The following GRIK4 variants were observed in gnomAD, a reference collection of about 807,000 sequenced individuals.
The protein encoded by GRIK4 is glutamate ionotropic receptor kainate type subunit 4.
In GRIK4, 40 loss-of-function variants were observed where a neutral mutation model predicts 104.9. The ratio of observed to expected loss-of-function variants is 0.38; its 90% confidence interval spans 0.30 to 0.50. GRIK4 has a LOEUF of 0.50. Among genes scored for constraint, GRIK4 ranks in the 20% least tolerant of loss-of-function variants. The pLI, the probability that GRIK4 is intolerant of heterozygous loss-of-function variation, is 0.93. For synonymous variants in GRIK4, 485 were observed against 524.9 expected, an observed-to-expected ratio of 0.92 and a Z score of 1.04; for missense variants, 1,047 against 1,308.1, an observed-to-expected ratio of 0.80 and a Z score of 3.08.
At chr11:120,802,630 G>A in intron 3 of GRIK4, 63 bp from the exon 4 acceptor site, 1 of 1,407,784 alleles carries the variant, frequency 7.1e-7, no homozygotes, top group Non-Finnish European at 1.0e-6. Context: ...GGAGGCTGGA[G>A]AAGGAGGAGG....
At chr11:120,757,351 T>C (rs1480529523) in intron 3 of GRIK4, among the ~76,000 whole-genome samples, 1 of 152,248 alleles carries the variant, frequency 6.6e-6, no homozygotes, top group Non-Finnish European at 1.5e-5. Context: ...TCTGTCTCTC[T>C]CTGGCTGTGT....
At chr11:120,736,244 G>A (rs1437349125) in intron 3 of GRIK4, among the ~76,000 whole-genome samples, 2 of 152,118 alleles carry the variant, frequency 1.3e-5, no homozygotes, top group Non-Finnish European at 2.9e-5. Context: ...CCAGGGCCGG[G>A]AATGGGGACC....
At chr11:120,682,110 C>T (rs1425164296) in intron 3 of GRIK4, among the ~76,000 whole-genome samples, 1 of 152,142 alleles carries the variant, frequency 6.6e-6, no homozygotes, top group Non-Finnish European at 1.5e-5. Flanking sequence ...GAAGAAAAAC[C>T]GAGCTGCTGA....
intron 1 of GRIK4, among the ~76,000 whole-genome samples, chr11:120,644,189 A>C (rs1591763911): frequency 6.6e-6 from 1 of 152,122 alleles, no homozygotes; most frequent in Non-Finnish European, 1.5e-5. Context: ...ATTTTTTACA[A>C]GATCTTATGC....
At chr11:120,580,229 TTC>T (rs747887039) in intron 1 of GRIK4, among the ~76,000 whole-genome samples, 6 of 142,764 alleles carry the variant, frequency 4.2e-5, no homozygotes, top group African/African-American at 1.8e-4. Flanking sequence ...CTTTCTTTCT[TTC>T]TTTCTTTCTT....
intron 7 of GRIK4, 73 bp from the exon 8 acceptor site, chr11:120,836,718 G>C: frequency 2.1e-6 from 2 of 931,140 alleles, no homozygotes; most frequent in South Asian, 1.3e-5. Flanking sequence ...GTAGACACTT[G>C]GAACCCCTAC....
intron 6 of GRIK4, among the ~76,000 whole-genome samples, chr11:120,825,337 C>T (rs1008432695): frequency 2.0e-5 from 3 of 152,206 alleles, no homozygotes; most frequent in Non-Finnish European, 2.9e-5. Flanking sequence ...TACCCTCTAC[C>T]TCTGTTGTCT....
chr11:120,589,399 G>A (rs541156033), intron 1 of GRIK4, among the ~76,000 whole-genome samples: 52 of 152,240 alleles, frequency 3.4e-4, no homozygotes, highest in African/African-American at 1.3e-3. Context: ...AAATGCCAAG[G>A]GCTTTTCTAG....
intron 3 of GRIK4, among the ~76,000 whole-genome samples, chr11:120,783,880 A>G (rs904182071): frequency 6.6e-6 from 1 of 152,184 alleles, no homozygotes; most frequent in African/African-American, 2.4e-5. Context: ...TTTTTGAGGG[A>G]GGACAGACCT....
At chr11:120,876,478 CCAA>C (rs201838591) in intron 11 of GRIK4, among the ~76,000 whole-genome samples, 192 of 148,478 alleles carry the variant, frequency 1.3e-3, no homozygotes, top group Middle Eastern at 6.8e-3. Context: ...ATCACCACCA[CCAA>C]CATCATCATC....
intron 1 of GRIK4, among the ~76,000 whole-genome samples, chr11:120,516,094 T>C (rs1947721132): frequency 6.6e-6 from 1 of 152,056 alleles, no homozygotes; most frequent in South Asian, 2.1e-4. Flanking sequence ...TCATCACAGG[T>C]TTTCTTTAAA....
At chr11:120,771,625 G>T (rs547633831) in intron 3 of GRIK4, among the ~76,000 whole-genome samples, 1 of 152,350 alleles carries the variant, frequency 6.6e-6, no homozygotes, top group East Asian at 1.9e-4. Flanking sequence ...CACTAAGGGT[G>T]TAAACAGGTA....
At chr11:120,792,525 T>C (rs1952419170) in intron 3 of GRIK4, among the ~76,000 whole-genome samples, 1 of 151,734 alleles carries the variant, frequency 6.6e-6, no homozygotes, top group East Asian at 1.9e-4. Flanking sequence ...AGATAAGAGT[T>C]AAGAGGTTGC....
At chr11:120,861,839 A>G (rs1954273200) in intron 8 of GRIK4, 120 bp from the exon 9 acceptor site, 2 of 772,504 alleles carry the variant, frequency 2.6e-6, no homozygotes, top group Non-Finnish European at 4.5e-6. Flanking sequence ...CCTAGGTCCC[A>G]ACAGAGTGTC....
intron 3 of GRIK4, among the ~76,000 whole-genome samples, chr11:120,695,572 G>A (rs1206954520): frequency 6.6e-6 from 1 of 152,158 alleles, no homozygotes; most frequent in Admixed American, 6.5e-5. Flanking sequence ...AGAAGAAGAA[G>A]AAGAGGTCAG....
intron 1 of GRIK4, among the ~76,000 whole-genome samples, chr11:120,518,957 A>C (rs1193202080): frequency 6.6e-6 from 1 of 152,216 alleles, no homozygotes; most frequent in African/African-American, 2.4e-5. Flanking sequence ...CCCTGCCTGC[A>C]GGAGCGAAAG....
At chr11:120,707,948 C>CAAACAGAAGTTTGCCATATA (rs1423854881) in intron 3 of GRIK4, among the ~76,000 whole-genome samples, 1 of 152,176 alleles carries the variant, frequency 6.6e-6, no homozygotes, top group Non-Finnish European at 1.5e-5. Flanking sequence ...CCTTTTTTGG[C>CAAACAGAAGTTTGCCATATA]TGACCTAACG....
At chr11:120,741,099 G>A (rs1240315625) in intron 3 of GRIK4, among the ~76,000 whole-genome samples, 2 of 152,020 alleles carry the variant, frequency 1.3e-5, no homozygotes, top group African/African-American at 4.8e-5. Flanking sequence ...GTAATTGCTA[G>A]CACTGAGAAT....
intron 9 of GRIK4, chr11:120,872,509 CT>C (rs200407746): frequency 0.034 from 5,224 of 154,544 alleles, 246 homozygotes; most frequent in African/African-American, 0.11. Context: ...TCACAAGGGT[CT>C]CATGTGGGAC....
Sources: allele counts gnomAD v4.1 joint callset (sites outside exome capture counted in the v4.1 genomes callset), GRCh38; gene constraint gnomAD v4.1.1; transcripts MANE v1.5; gene names NCBI Gene and HGNC (gene_info 2026-07-23, HGNC 2026-07-21).